Variants in DIP2C observed in about 807,000 individuals in gnomAD.
DIP2C encodes the protein DIP2 acetate--CoA ligase C (putative), also known as disco-interacting protein 2 homolog C.
A neutral mutation model predicts 192.4 loss-of-function variants in DIP2C; 33 were observed. The ratio of observed to expected loss-of-function variants is 0.17; its 90% CI spans 0.13 to 0.23. The LOEUF (loss-of-function observed/expected upper bound fraction) is 0.23. DIP2C is among the 10% of genes least tolerant of loss of function. The pLI is 1.00. For missense variants in DIP2C, 1,537 were observed against 2,110.1 expected, an observed-to-expected ratio of 0.73 and a Z score of 5.32; for synonymous variants, 979 against 864.1, an observed-to-expected ratio of 1.13 and a Z score of -2.33.
chr10:403,823 T>A (rs919803237), intron 9 of DIP2C, among the ~76,000 whole-genome samples: 1 of 129,292 alleles, frequency 7.7e-6, no homozygotes, highest in African/African-American at 2.9e-5. Context: ...TGGTACGTTT[T>A]CATCAGCACA....
intron 1 of DIP2C, among the ~76,000 whole-genome samples, chr10:607,776 T>C (rs1289625733): frequency 6.6e-6 from 1 of 152,036 alleles, no homozygotes; most frequent in East Asian, 1.9e-4. Flanking sequence ...AATGGAAACC[T>C]CTTCTTAGAC....
Position 577,749 on chromosome 10 carries a change from A to C in DIP2C, c.86-91219T>G, listed in dbSNP as rs145634329. On this transcript the variant is annotated intron_variant, in intron 1 of 36. Transcript: ENST00000280886. ...ACTCTGAACACCTGGGAGAAATGTAAGGCAACCTAGTAAGAGGAACTTGGC... is the reference window on the plus strand; with the variant it reads ...ACTCTGAACACCTGGGAGAAATGTACGGCAACCTAGTAAGAGGAACTTGGC... Among the ~76,000 whole-genome samples, 237 of 152,326 alleles carry C rather than the reference A, an allele frequency of 1.6e-3. 2 individuals are homozygous for C. The highest frequency in any genetic ancestry group is 5.5e-3 in the African/African-American group (227 of 41,576).
intron 29 of DIP2C, chr10:340,736 A>C (rs1307958997): frequency 2.2e-6 from 1 of 457,130 alleles, no homozygotes; most frequent in Admixed American, 2.3e-5. Flanking sequence ...GCTGCTGGGT[A>C]GAGTGCCGCA....
intron 3 of DIP2C, among the ~76,000 whole-genome samples, chr10:450,125 T>C (rs1968735757): frequency 6.6e-6 from 1 of 152,210 alleles, no homozygotes; most frequent in Non-Finnish European, 1.5e-5. Context: ...CATGTTGCAT[T>C]TGAATGACTT....
chr10:620,173 A>G (rs1853767571), intron 1 of DIP2C, among the ~76,000 whole-genome samples: 1 of 152,246 alleles, frequency 6.6e-6, no homozygotes, highest in Admixed American at 6.5e-5. Context: ...GTATAGTCTT[A>G]CAAGGCCATT....
At chr10:346,592 CCCA>C (rs1222888511) in intron 26 of DIP2C, among the ~76,000 whole-genome samples, 15 of 53,112 alleles carry the variant, frequency 2.8e-4, no homozygotes, top group Non-Finnish European at 4.7e-4. Flanking sequence ...CCCACACTCA[CCCA>C]ACCCAGACAC....
chr10:350,248 T>C (rs1242496952), intron 24 of DIP2C, among the ~76,000 whole-genome samples: 1 of 152,080 alleles, frequency 6.6e-6, no homozygotes, highest in African/African-American at 2.4e-5. Context: ...GACTGGCTAA[T>C]TTTAAAAAAA....
At chr10:685,162 ATATATATATATATATATATATATACAT>A (rs1831281444) in intron 1 of DIP2C, among the ~76,000 whole-genome samples, 9 of 16,748 alleles carry the variant, frequency 5.4e-4, no homozygotes, top group Non-Finnish European at 8.5e-4. Flanking sequence ...AAAAAAAAAA[ATATATATATATATATATATATATACAT>A]ATATATATAT....
At chr10:349,597 GAC>G in intron 24 of DIP2C, 143 bp from the exon 25 acceptor site, 2 of 1,142,884 alleles carry the variant, frequency 1.7e-6, no homozygotes, top group South Asian at 2.0e-5. Context: ...CAACCAACAT[GAC>G]AGTCAATTTT....
intron 1 of DIP2C, among the ~76,000 whole-genome samples, chr10:527,248 C>A (rs533117980): frequency 6.6e-6 from 1 of 152,194 alleles, no homozygotes; most frequent in South Asian, 2.1e-4. Flanking sequence ...CTCTCCCTCA[C>A]AAAACAGCAC....
intron 1 of DIP2C, among the ~76,000 whole-genome samples, chr10:626,869 G>A (rs898081407): frequency 1.7e-4 from 26 of 152,194 alleles, no homozygotes; most frequent in African/African-American, 5.8e-4. Context: ...TGGACCATTC[G>A]TGAACGAATC....
chr10:356,419 G>A lies in DIP2C; in HGVS notation c.2985+7C>T, dbSNP rs976901982. 2 of 1,610,628 alleles carry A rather than the reference G, an allele frequency of 1.2e-6. No individual in the cohort carries two copies. Among genetic ancestry groups the A allele is most frequent in the Non-Finnish European group, 8.5e-7 (1 of 1,179,966 alleles). ...AGTAGCCAGGGAAGGCCAGCTCCGC[G>A]CCTCACCCGACAGTTGAGCAGCGTG... On this transcript the variant is annotated splice_region_variant and intron_variant, in intron 24 of 36. Coordinates refer to ENST00000280886, the MANE Select transcript of DIP2C (RefSeq NM_014974.3).
chr10:562,998 A>G (rs547460846), intron 1 of DIP2C, among the ~76,000 whole-genome samples: 32 of 152,366 alleles, frequency 2.1e-4, no homozygotes, highest in African/African-American at 6.0e-4. Flanking sequence ...GAATCCTCCT[A>G]GCTGAGCAGC....
chr10:449,258 C>A (rs558282003), intron 3 of DIP2C, among the ~76,000 whole-genome samples: 1 of 152,326 alleles, frequency 6.6e-6, no homozygotes, highest in East Asian at 1.9e-4. Flanking sequence ...ACTTAAGGGA[C>A]TTTCAAGCTC....
At chr10:650,887 C>T (rs556825935) in intron 1 of DIP2C, 18 of 717,400 alleles carry the variant, frequency 2.5e-5, no homozygotes, top group Non-Finnish European at 4.7e-5. Flanking sequence ...CCCTGGGATT[C>T]GTGGGCCTCA....
At chr10:324,988 G>A (rs777853719) in intron 31 of DIP2C, 2 of 529,896 alleles carry the variant, frequency 3.8e-6, no homozygotes, top group East Asian at 5.5e-5. Flanking sequence ...TTTTGGGGCT[G>A]GGCGTGGTGG....
chr10:580,117 C>T (rs546507258), intron 1 of DIP2C, among the ~76,000 whole-genome samples: 2 of 152,254 alleles, frequency 1.3e-5, no homozygotes, highest in East Asian at 1.9e-4. Context: ...ATAGGTATAA[C>T]ATCTATATAC....
rs1958016337 is a variant in DIP2C at position 339,041 on chromosome 10, CCCA to C, written c.3584+2155_3584+2157del. Among the ~76,000 whole-genome samples, 11 of 152,184 alleles carry C rather than the reference CCCA, an allele frequency of 7.2e-5. No individual in the cohort carries two copies. The South Asian group carries it at 2.3e-3, about 32-fold the overall frequency. ...GGCTTGGGCACCCTGCGCGGCTGCC[CCCA>C]CCAAGACACACTCCCCACCCTGCTA... On this transcript the variant is annotated intron_variant, in intron 29 of 36. Coordinates refer to ENST00000280886, the MANE Select transcript of DIP2C (RefSeq NM_014974.3).
chr10:529,757 C>A (rs930459521), intron 1 of DIP2C, among the ~76,000 whole-genome samples: 1 of 152,078 alleles, frequency 6.6e-6, no homozygotes, highest in African/African-American at 2.4e-5. Flanking sequence ...GATAAATTCT[C>A]CCCTCCTGCT....
Sources: allele counts gnomAD v4.1 joint callset (sites outside exome capture counted in the v4.1 genomes callset), GRCh38; gene constraint gnomAD v4.1.1; transcripts MANE v1.5; gene names NCBI Gene and HGNC (gene_info 2026-07-23, HGNC 2026-07-21).